RORB: variants seen among roughly 807,000 people sequenced by gnomAD.
The protein encoded by RORB is RAR related orphan receptor B.
Under a neutral mutation model 59.1 loss-of-function variants are expected in RORB, and 6 were observed. The observed-to-expected ratio is 0.10, with a 90% CI of 0.06 to 0.20. RORB has a LOEUF of 0.20. Among genes scored for constraint, RORB ranks in the 10% least tolerant of loss-of-function variants. The pLI, the probability that RORB is intolerant of heterozygous loss-of-function variation, is 1.00. For missense variants in RORB, 320 were observed against 560.5 expected (o/e 0.57, Z 4.33); for synonymous variants, 215 against 204.5 (o/e 1.05, Z -0.44).
intron 1 of RORB, among the ~76,000 whole-genome samples, chr9:74,502,191 T>G (rs941837972): frequency 2.6e-5 from 4 of 152,140 alleles, no homozygotes; most frequent in Non-Finnish European, 5.9e-5. Context: ...ATTTTAAATT[T>G]AAGTGTTTCC....
At chr9:74,539,483 G>C (rs1826371518) in intron 1 of RORB, among the ~76,000 whole-genome samples, 1 of 152,028 alleles carries the variant, frequency 6.6e-6, no homozygotes, top group African/African-American at 2.4e-5. Context: ...ATATAAACTG[G>C]AACTTTCTAT....
chr9:74,633,520 A>G (rs903085547), intron 2 of RORB, among the ~76,000 whole-genome samples: 7 of 152,336 alleles, frequency 4.6e-5, no homozygotes, highest in Middle Eastern at 3.4e-3. Flanking sequence ...CTCATGACAC[A>G]TTGCACTTTT....
chr9:74,503,792 C>T (rs1253051693), intron 1 of RORB, among the ~76,000 whole-genome samples: 1 of 152,024 alleles, frequency 6.6e-6, no homozygotes, highest in Non-Finnish European at 1.5e-5. Flanking sequence ...AACTAATCAT[C>T]TGATGAATAG....
chr9:74,651,848 A>T (rs1288106825), intron 4 of RORB, among the ~76,000 whole-genome samples: 3 of 152,202 alleles, frequency 2.0e-5, no homozygotes, highest in African/African-American at 4.8e-5. Context: ...CTTCACTTTT[A>T]AATGTAATCT....
At chr9:74,571,411 A>C (rs1012757258) in intron 1 of RORB, among the ~76,000 whole-genome samples, 2 of 150,670 alleles carry the variant, frequency 1.3e-5, no homozygotes, top group Non-Finnish European at 2.9e-5. Flanking sequence ...TAAAAAAAAA[A>C]AAAAAACACA....
At chr9:74,591,459 G>C (rs1032814474) in intron 1 of RORB, among the ~76,000 whole-genome samples, 2 of 152,084 alleles carry the variant, frequency 1.3e-5, no homozygotes, top group African/African-American at 4.8e-5. Flanking sequence ...ACACACTGTA[G>C]TTACAAAGAA....
intron 1 of RORB, among the ~76,000 whole-genome samples, chr9:74,543,352 A>G (rs553263350): frequency 6.6e-6 from 1 of 152,254 alleles, no homozygotes; most frequent in Admixed American, 6.5e-5. Context: ...GAGGAGCTGC[A>G]TCATCACATG....
At chr9:74,645,724 C>T (rs187711216) in intron 4 of RORB, among the ~76,000 whole-genome samples, 65 of 152,158 alleles carry the variant, frequency 4.3e-4, no homozygotes, top group Middle Eastern at 6.8e-3. Context: ...CCCATTATGC[C>T]TGTTATGTAT....
intron 1 of RORB, among the ~76,000 whole-genome samples, chr9:74,609,623 C>T (rs1423830363): frequency 6.6e-6 from 1 of 152,200 alleles, no homozygotes; most frequent in Admixed American, 6.5e-5. Flanking sequence ...ACCTGTGCTT[C>T]ATATGCATTT....
intron 1 of RORB, among the ~76,000 whole-genome samples, chr9:74,582,685 C>T (rs184359085): frequency 7.9e-5 from 12 of 152,266 alleles, no homozygotes; most frequent in Admixed American, 2.0e-4. Flanking sequence ...GCAGCCACTG[C>T]TCCTCTGGAC....
intron 9 of RORB, among the ~76,000 whole-genome samples, chr9:74,684,312 T>C (rs1449593662): frequency 1.3e-5 from 2 of 152,214 alleles, no homozygotes; most frequent in East Asian, 3.8e-4. Context: ...TTGAATAGGG[T>C]AGGGAACATG....
At chr9:74,503,761 T>C (rs898738068) in intron 1 of RORB, among the ~76,000 whole-genome samples, 6 of 151,950 alleles carry the variant, frequency 3.9e-5, no homozygotes, top group Admixed American at 6.6e-5. Context: ...AAAGGAAGCA[T>C]AGAGGAATAA....
rs146816420 is a variant in RORB, at chr9:74,575,507, G to A, written c.8-54775G>A. Reference sequence around the variant, plus strand: ...GAGAATGATTTGTATTCACCTGCCTGACAGGAAAGCCTGTGTTTTTATGGA... The same window carrying A: ...GAGAATGATTTGTATTCACCTGCCTAACAGGAAAGCCTGTGTTTTTATGGA... On this transcript the variant is annotated intron_variant, in intron 1 of 9. Transcript: ENST00000376896. Among the ~76,000 whole-genome samples, 806 of 152,216 alleles carry A rather than the reference G, an allele frequency of 5.3e-3. 4 individuals carry two copies. Among genetic ancestry groups the A allele is most frequent in the South Asian group, 0.02 (97 of 4,820 alleles).
chr9:74,588,168 C>T (rs1185746088), intron 1 of RORB, among the ~76,000 whole-genome samples: 1 of 152,076 alleles, frequency 6.6e-6, no homozygotes, highest in Non-Finnish European at 1.5e-5. Context: ...TTTAAACAAG[C>T]ATCCTTTTCC....
chr9:74,623,168 G>GT (rs1484351206), intron 1 of RORB, among the ~76,000 whole-genome samples: 1 of 152,118 alleles, frequency 6.6e-6, no homozygotes, highest in Non-Finnish European at 1.5e-5. Context: ...AAACTGTATG[G>GT]TTTTTAACTG....
At chr9:74,498,064 C>A in intron 1 of RORB, 81 bp downstream of exon 1, 1 of 1,518,356 alleles carries the variant, frequency 6.6e-7, no homozygotes, top group Non-Finnish European at 9.0e-7. Flanking sequence ...GGGAGGGCAC[C>A]CAGCAGAAAG....
At chr9:74,612,139 G>T (rs2118360635) in intron 1 of RORB, among the ~76,000 whole-genome samples, 1 of 152,280 alleles carries the variant, frequency 6.6e-6, no homozygotes, top group East Asian at 1.9e-4. Context: ...GTGGGTAAAT[G>T]GTCAGGGGAC....
At chr9:74,562,117 G>C (rs1309885691) in intron 1 of RORB, among the ~76,000 whole-genome samples, 1 of 152,100 alleles carries the variant, frequency 6.6e-6, no homozygotes, top group Non-Finnish European at 1.5e-5. Flanking sequence ...TGCTTAAGGT[G>C]GGGTCTTGCA....
intron 1 of RORB, among the ~76,000 whole-genome samples, chr9:74,601,887 GAAC>G (rs2118325140): frequency 6.6e-6 from 1 of 152,236 alleles, no homozygotes; most frequent in Non-Finnish European, 1.5e-5. Flanking sequence ...GAGATGAGTT[GAAC>G]AAGCAAAGCA....
Sources: gnomAD v4.1 joint callset for allele counts (sites outside exome capture counted in the v4.1 genomes callset) on GRCh38, gnomAD v4.1.1 for gene constraint, MANE v1.5 for transcripts, NCBI Gene and HGNC (gene_info 2026-07-23, HGNC 2026-07-21) for gene names.